The following PCNX2 variants were observed in gnomAD, a reference collection of about 807,000 sequenced individuals.
PCNX2 encodes pecanex 2, also known as pecanex-like protein 2.
PCNX2 carries 168 observed loss-of-function variants against 223.8 expected under a neutral mutation model. That is an observed-to-expected ratio of 0.75 (90% confidence interval 0.66 to 0.85). The LOEUF (loss-of-function observed/expected upper bound fraction) is 0.85, where lower values mean the gene tolerates loss of function less well. Ranked by LOEUF, PCNX2 falls within the 40% of genes least tolerant of loss-of-function variation. The pLI is 0.00. For missense variants in PCNX2, 2,507 were observed against 2,675.5 expected, an observed-to-expected ratio of 0.94 and a Z score of 1.39; for synonymous variants, 1,006 against 1,052.6, an observed-to-expected ratio of 0.96 and a Z score of 0.86.
At chr1:233,280,606 C>G (rs983460447) in intron 1 of PCNX2, among the ~76,000 whole-genome samples, 4 of 152,082 alleles carry the variant, frequency 2.6e-5, no homozygotes, top group African/African-American at 9.7e-5. Flanking sequence ...TCCTCTTCTA[C>G]TGATTCTTAT....
chr1:233,122,952 T>C (rs1571917729), intron 21 of PCNX2, among the ~76,000 whole-genome samples: 1 of 152,280 alleles, frequency 6.6e-6, no homozygotes. Context: ...GTCTATAAAA[T>C]ACCTGATCAG....
At chr1:233,323,768 C>A in the PCNX2 span, among the ~76,000 whole-genome samples, 1 of 152,174 alleles carries the variant, frequency 6.6e-6, no homozygotes, top group Non-Finnish European at 1.5e-5. Flanking sequence ...TGAGACAGGA[C>A]AATATTGAAA....
At chr1:233,074,948 C>T (rs1012934506) in intron 23 of PCNX2, among the ~76,000 whole-genome samples, 2 of 152,020 alleles carry the variant, frequency 1.3e-5, no homozygotes, top group African/African-American at 4.8e-5. Context: ...TATGAAGAAA[C>T]TTGATCTCTC....
chr1:233,169,644 CAA>C (rs200439765), intron 17 of PCNX2, among the ~76,000 whole-genome samples: 9 of 68,830 alleles, frequency 1.3e-4, no homozygotes, highest in East Asian at 4.7e-4. Flanking sequence ...AACTCCGTCT[CAA>C]AAAAAAAAAA....
chr1:233,172,230 A>T (rs867086386), intron 17 of PCNX2, among the ~76,000 whole-genome samples: 6 of 152,232 alleles, frequency 3.9e-5, no homozygotes, highest in Middle Eastern at 3.4e-3. Context: ...TTAGGTTAAA[A>T]TTTTTTTATA....
intron 32 of PCNX2, among the ~76,000 whole-genome samples, chr1:232,989,524 G>A (rs970690620): frequency 1.3e-5 from 2 of 151,846 alleles, no homozygotes; most frequent in Admixed American, 1.3e-4. Context: ...CAGAGAGGCA[G>A]GTCCTCCACT....
intron 28 of PCNX2, among the ~76,000 whole-genome samples, chr1:233,004,701 C>T (rs925128574): frequency 6.6e-6 from 1 of 152,176 alleles, no homozygotes; most frequent in Non-Finnish European, 1.5e-5. Flanking sequence ...TTCAACACAG[C>T]GCATTAGACC....
chr1:233,266,272 C>G (rs1330634876), intron 1 of PCNX2, among the ~76,000 whole-genome samples: 1 of 152,180 alleles, frequency 6.6e-6, no homozygotes, highest in Admixed American at 6.6e-5. Flanking sequence ...TCTCAAAAGG[C>G]TGAGGCAGGA....
At chr1:233,108,247 C>T (rs995176826) in intron 21 of PCNX2, among the ~76,000 whole-genome samples, 6 of 152,164 alleles carry the variant, frequency 3.9e-5, no homozygotes, top group African/African-American at 1.4e-4. Context: ...CTTTCTTGTG[C>T]GAGATCCAAG....
chr1:233,210,274 C>T (rs1280785757), intron 12 of PCNX2, among the ~76,000 whole-genome samples: 1 of 152,108 alleles, frequency 6.6e-6, no homozygotes, highest in Non-Finnish European at 1.5e-5. Context: ...TAATACAAGG[C>T]ACACAAACCA....
At chr1:232,987,194 G>A (rs971951852) in intron 32 of PCNX2, among the ~76,000 whole-genome samples, 1 of 152,218 alleles carries the variant, frequency 6.6e-6, no homozygotes. Context: ...CCCCTCAGGG[G>A]CCCTGCCACC....
At chr1:233,100,323 C>T (rs1275838072) in intron 21 of PCNX2, among the ~76,000 whole-genome samples, 1 of 147,564 alleles carries the variant, frequency 6.8e-6, no homozygotes, top group Non-Finnish European at 1.5e-5. Flanking sequence ...GAGGCTGAGG[C>T]AGAAGAATCA....
chr1:233,276,470 G>A (rs116427296), intron 1 of PCNX2, among the ~76,000 whole-genome samples: 1,549 of 152,192 alleles, frequency 0.01, 14 homozygotes, highest in South Asian at 0.028. Flanking sequence ...GTTATGATGG[G>A]ACATTCTATG....
intron 15 of PCNX2, 38 bp from the exon 16 acceptor site, chr1:233,179,213 G>A: frequency 1.3e-6 from 2 of 1,595,560 alleles, no homozygotes; most frequent in Non-Finnish European, 1.7e-6. Context: ...TCACTCCACA[G>A]CTGTGTGAAT....
At chr1:233,070,262 C>T (rs1176633824) in intron 23 of PCNX2, among the ~76,000 whole-genome samples, 2 of 143,456 alleles carry the variant, frequency 1.4e-5, no homozygotes, top group Non-Finnish European at 3.0e-5. Context: ...CTGAAGGCTT[C>T]ACTGAAGAAT....
upstream of PCNX2, among the ~76,000 whole-genome samples, chr1:233,297,985 A>T (rs1662201110): frequency 6.6e-6 from 1 of 152,128 alleles, no homozygotes; most frequent in Admixed American, 6.5e-5. Context: ...CATTTATAAG[A>T]TATAGGAAGA....
intron 25 of PCNX2, among the ~76,000 whole-genome samples, chr1:233,042,232 CTCTCT>C (rs955317530): frequency 1.1e-4 from 17 of 152,178 alleles, no homozygotes; most frequent in African/African-American, 3.9e-4. Context: ...GCCATATTTT[CTCTCT>C]TCTCTTCCAC....
At chr1:233,169,863 A>C (rs1358880166) in intron 17 of PCNX2, among the ~76,000 whole-genome samples, 1 of 148,922 alleles carries the variant, frequency 6.7e-6, no homozygotes, top group Non-Finnish European at 1.5e-5. Context: ...GGTGAAAATC[A>C]TTTTCTTGCT....
At chr1:233,031,718 C>T (rs1250726055) in intron 25 of PCNX2, 1 of 982,952 alleles carries the variant, frequency 1.0e-6, no homozygotes, top group Non-Finnish European at 1.2e-6. Flanking sequence ...AAGCCTGATC[C>T]CAAATCTTCG....
Sources: allele counts gnomAD v4.1 joint callset (sites outside exome capture counted in the v4.1 genomes callset), GRCh38; gene constraint gnomAD v4.1.1; transcripts MANE v1.5; gene names NCBI Gene and HGNC (gene_info 2026-07-23, HGNC 2026-07-21).